The following PCDH15 variants were observed in gnomAD, a reference collection of about 807,000 sequenced individuals.
The protein encoded by PCDH15 is protocadherin-15.
PCDH15 carries 129 observed loss-of-function variants against 178.5 expected under a neutral mutation model. The observed-to-expected ratio is 0.72, with a 90% CI of 0.63 to 0.84. The LOEUF (loss-of-function observed/expected upper bound fraction) is 0.84. Ranked by LOEUF, PCDH15 falls within the 40% of genes least tolerant of loss-of-function variation. PCDH15 has a pLI of 0.00. For missense variants in PCDH15, 2,230 were observed against 2,099.9 expected (o/e 1.06, Z -1.21); for synonymous variants, 800 against 732.0 (o/e 1.09, Z -1.50).
chr10:54,287,297 C>G (rs540978662), intron 8 of PCDH15, among the ~76,000 whole-genome samples: 2 of 152,242 alleles, frequency 1.3e-5, no homozygotes, highest in East Asian at 3.9e-4. Context: ...TTCTCTCTGA[C>G]CATTAATCTT....
Position 54,248,128 on chromosome 10 carries a change from C to T in PCDH15, c.877-11197G>A, listed in dbSNP as rs183355076. On this transcript the variant is annotated intron_variant, in intron 8 of 37. Transcript: ENST00000644397. ...TTGAAACTAGAAGCTTAATTGATAC[C>T]ATGTCTTACACATCTGTCTGAAAAT... Among the ~76,000 whole-genome samples, 175 of 151,280 alleles carry T rather than the reference C, an allele frequency of 1.2e-3. 2 individuals carry two copies. The highest frequency in any genetic ancestry group is 1.9e-3 in the Non-Finnish European group (130 of 67,688).
intron 2 of PCDH15, among the ~76,000 whole-genome samples, chr10:54,971,026 A>T (rs1463500961): frequency 6.6e-6 from 1 of 152,164 alleles, no homozygotes; most frequent in Non-Finnish European, 1.5e-5. Context: ...CCCATATCTA[A>T]TTTAGATGAG....
At chr10:54,655,460 TGTGTG>T (rs2135296101) in intron 2 of PCDH15, 1 of 151,564 alleles carries the variant, frequency 6.6e-6, no homozygotes, top group Admixed American at 6.6e-5. Flanking sequence ...TGTGTGTGTG[TGTGTG>T]TGTGTGTTTT....
chr10:55,205,546 T>A (rs1024233258), intron 1 of PCDH15, among the ~76,000 whole-genome samples: 2 of 152,050 alleles, frequency 1.3e-5, no homozygotes, highest in African/African-American at 4.8e-5. Context: ...ACAATTTTTA[T>A]ATAATCCAAT....
chr10:55,237,418 A>G (rs1446508704), intron 1 of PCDH15, among the ~76,000 whole-genome samples: 2 of 152,172 alleles, frequency 1.3e-5, no homozygotes, highest in South Asian at 2.1e-4. Context: ...AGAATACAAG[A>G]AATTCTAGAA....
At chr10:54,548,163 T>A (rs2086095724) in intron 2 of PCDH15, among the ~76,000 whole-genome samples, 1 of 147,454 alleles carries the variant, frequency 6.8e-6, no homozygotes, top group Admixed American at 6.8e-5. Flanking sequence ...TATATATATT[T>A]ATATATTTAC....
chr10:54,713,483 T>G (rs2095446287), intron 1 of PCDH15, among the ~76,000 whole-genome samples: 2 of 152,112 alleles, frequency 1.3e-5, no homozygotes, highest in Admixed American at 6.6e-5. Flanking sequence ...TAATTAGTGT[T>G]GTTCTGGCTT....
intron 21 of PCDH15, among the ~76,000 whole-genome samples, chr10:53,966,968 A>G (rs1221591231): frequency 7.2e-5 from 11 of 152,070 alleles, no homozygotes; most frequent in Admixed American, 7.2e-4. Flanking sequence ...CAGTGGCATG[A>G]TTATAGCTCA....
intron 2 of PCDH15, 83 bp from the exon 3 acceptor site, chr10:54,527,960 A>G: frequency 9.2e-7 from 1 of 1,081,888 alleles, no homozygotes; most frequent in Non-Finnish European, 1.4e-6. Flanking sequence ...ATGTATATTA[A>G]TATTTAAAAA....
intron 8 of PCDH15, among the ~76,000 whole-genome samples, chr10:54,276,050 C>A (rs1450071863): frequency 6.6e-6 from 1 of 151,042 alleles, no homozygotes; most frequent in African/African-American, 2.4e-5. Context: ...ACATAATTAC[C>A]AAAAATGTAA....
At chr10:54,708,551 TACA>T (rs1469723020) in intron 1 of PCDH15, among the ~76,000 whole-genome samples, 1 of 152,226 alleles carries the variant, frequency 6.6e-6, no homozygotes, top group Admixed American at 6.5e-5. Flanking sequence ...GACATTCTAT[TACA>T]GCAGCCATGT....
chr10:53,926,442 T>C (rs1188767317), intron 25 of PCDH15, among the ~76,000 whole-genome samples: 1 of 152,206 alleles, frequency 6.6e-6, no homozygotes, highest in Non-Finnish European at 1.5e-5. Flanking sequence ...AAAATATGTA[T>C]TATTAAACGA....
chr10:54,642,969 C>T (rs11004428), intron 2 of PCDH15, among the ~76,000 whole-genome samples: 22,523 of 152,204 alleles, frequency 0.15, 1,788 homozygotes, highest in Non-Finnish European at 0.18. Context: ...CTGTCCCAGG[C>T]TGGAGTGCAA....
intron 2 of PCDH15, among the ~76,000 whole-genome samples, chr10:55,569,473 T>C (rs374570961): frequency 1.2e-4 from 18 of 151,924 alleles, no homozygotes; most frequent in African/African-American, 3.6e-4. Context: ...GTGGAAAGGT[T>C]AATTACTCAA....
chr10:55,483,297 A>G (rs1840223349), intron 2 of PCDH15, among the ~76,000 whole-genome samples: 1 of 151,894 alleles, frequency 6.6e-6, no homozygotes, highest in South Asian at 2.1e-4. Flanking sequence ...AAAATCCATA[A>G]AAAAGTGGGC....
rs763704132 is a variant in PCDH15, at chr10:54,774,007, C to CTTTTTTTTT, written c.-29+26909_-29+26917dup. Among the ~76,000 whole-genome samples the CTTTTTTTTT allele has an allele frequency of 1.0e-3, 76 of 75,368 alleles. 13 individuals are homozygous for CTTTTTTTTT. The highest frequency in any genetic ancestry group is 3.7e-3 in the East Asian group (6 of 1,628). The allele number at this position is 75,368 out of a possible 152,430, so 49.4% of individuals were successfully genotyped here. On this transcript the variant is annotated intron_variant, in intron 1 of 37. Transcript: ENST00000644397. ...TAGATGAACTGGCATACTTCATAGG[C>CTTTTTTTTT]TTTTTTTTTTTTTTTTTTTTTTTTT...
chr10:54,235,182 C>A (rs1220120949), intron 9 of PCDH15, among the ~76,000 whole-genome samples: 3 of 152,166 alleles, frequency 2.0e-5, no homozygotes, highest in African/African-American at 7.2e-5. Context: ...TACAATCCTC[C>A]TCTGCTTTTC....
intron 19 of PCDH15, among the ~76,000 whole-genome samples, chr10:54,022,308 T>A (rs2092947964): frequency 6.7e-6 from 1 of 149,052 alleles, no homozygotes; most frequent in African/African-American, 2.5e-5. Context: ...AGAGTTAGAT[T>A]ACTAGAAGAT....
chr10:54,900,386 T>C (rs1954619494), intron 2 of PCDH15, among the ~76,000 whole-genome samples: 1 of 152,302 alleles, frequency 6.6e-6, no homozygotes, highest in African/African-American at 2.4e-5. Context: ...ACAGGGCAGA[T>C]TGAAGGAGAT....
Sources: gnomAD v4.1 joint callset for allele counts (sites outside exome capture counted in the v4.1 genomes callset) on GRCh38, gnomAD v4.1.1 for gene constraint, MANE v1.5 for transcripts, NCBI Gene and HGNC (gene_info 2026-07-23, HGNC 2026-07-21) for gene names.